The following HDAC9 variants were observed in gnomAD, a reference collection of about 807,000 sequenced individuals.
HDAC9 encodes MEF-2 interacting transcription repressor (MITR) protein.
A neutral mutation model predicts 139.4 loss-of-function variants in HDAC9; 41 were observed. That is an observed-to-expected ratio of 0.29 (90% confidence interval 0.23 to 0.38). HDAC9 has a LOEUF of 0.38. Among genes scored for constraint, HDAC9 ranks in the 10% least tolerant of loss-of-function variants. The probability of loss-of-function intolerance (pLI) is 1.00; values close to 1 mark genes in which losing one functional copy is unlikely to be tolerated. For missense variants in HDAC9, 1,147 were observed against 1,297.0 expected, an observed-to-expected ratio of 0.88 and a Z score of 1.78; for synonymous variants, 517 against 476.2, an observed-to-expected ratio of 1.09 and a Z score of -1.12.
intron 1 of HDAC9, among the ~76,000 whole-genome samples, chr7:18,323,550 G>A (rs661144): frequency 0.2 from 30,197 of 152,080 alleles, 3,167 homozygotes; most frequent in East Asian, 0.27. Context: ...ACATGCTGAT[G>A]TCTAGGCTTT....
chr7:18,611,145 G>A (rs1837010106), intron 6 of HDAC9, among the ~76,000 whole-genome samples: 1 of 152,126 alleles, frequency 6.6e-6, no homozygotes, highest in Admixed American at 6.6e-5. Context: ...AATAAAGAAT[G>A]TAATAGCAAG....
chr7:18,408,498 C>G (rs1788230652), intron 1 of HDAC9, among the ~76,000 whole-genome samples: 1 of 152,098 alleles, frequency 6.6e-6, no homozygotes, highest in South Asian at 2.1e-4. Flanking sequence ...AAATAAAACA[C>G]TAGAAAAGGA....
intron 1 of HDAC9, among the ~76,000 whole-genome samples, chr7:18,128,106 C>T (rs577269454): frequency 2.1e-3 from 314 of 152,130 alleles, no homozygotes; most frequent in Non-Finnish European, 3.9e-3. Flanking sequence ...TAGTAGCAGA[C>T]CAGACGCTTC....
chr7:18,924,995 A>C (rs1193822759), intron 22 of HDAC9, among the ~76,000 whole-genome samples: 1 of 151,482 alleles, frequency 6.6e-6, no homozygotes, highest in African/African-American at 2.5e-5. Flanking sequence ...GTTAGTTTGA[A>C]AAGGAATTAG....
At chr7:18,325,000 G>T (rs908603290) in intron 1 of HDAC9, among the ~76,000 whole-genome samples, 6 of 152,018 alleles carry the variant, frequency 3.9e-5, no homozygotes, top group Non-Finnish European at 8.8e-5. Flanking sequence ...TCCTTCAATT[G>T]CTGTAAACCA....
intron 2 of HDAC9, among the ~76,000 whole-genome samples, chr7:18,254,691 A>G (rs913032796): frequency 6.6e-6 from 1 of 152,234 alleles, no homozygotes; most frequent in African/African-American, 2.4e-5. Flanking sequence ...TCTTTAACAA[A>G]TAAAATAAGT....
At chr7:18,732,616 T>C (rs549396258) in intron 13 of HDAC9, among the ~76,000 whole-genome samples, 7 of 141,322 alleles carry the variant, frequency 5.0e-5, no homozygotes, top group African/African-American at 1.4e-4. Flanking sequence ...CATATGTGTA[T>C]ATACACACAC....
At chr7:18,354,688 T>C (rs1409001467) in intron 1 of HDAC9, among the ~76,000 whole-genome samples, 1 of 152,198 alleles carries the variant, frequency 6.6e-6, no homozygotes, top group Non-Finnish European at 1.5e-5. Flanking sequence ...ATTTGTTTTA[T>C]TTTAGTTATC....
intron 2 of HDAC9, among the ~76,000 whole-genome samples, chr7:18,266,077 T>C (rs1045700780): frequency 1.3e-5 from 2 of 152,154 alleles, no homozygotes; most frequent in African/African-American, 2.4e-5. Context: ...ATGCTTGATA[T>C]TGCATCACTC....
chr7:18,674,994 T>G (rs1284699731), intron 12 of HDAC9, among the ~76,000 whole-genome samples: 1 of 152,010 alleles, frequency 6.6e-6, no homozygotes, highest in Non-Finnish European at 1.5e-5. Context: ...ATATAATATC[T>G]AGATTAATTT....
At chr7:18,949,105 G>A in intron 23 of HDAC9, 1 of 317,376 alleles carries the variant, frequency 3.2e-6, no homozygotes, top group Non-Finnish European at 6.0e-6. Context: ...GTTTTTTGAA[G>A]GATTCTTGAC....
At chr7:18,846,017 G>A (rs1051502896) in intron 21 of HDAC9, among the ~76,000 whole-genome samples, 2 of 152,158 alleles carry the variant, frequency 1.3e-5, no homozygotes, top group Non-Finnish European at 1.5e-5. Flanking sequence ...TGTGTACCAA[G>A]CCTACGAAGG....
Position 18,880,849 on chromosome 7 carries a change from G to A in HDAC9, c.2803+6253G>A, listed in dbSNP as rs79959531. Among the ~76,000 whole-genome samples, 10 of 150,528 alleles carry A rather than the reference G, an allele frequency of 6.6e-5. 1 individual carries two copies. Among genetic ancestry groups the A allele is most frequent in the East Asian group, 2.0e-4 (1 of 5,036 alleles). On this transcript the variant is annotated intron_variant, in intron 22 of 25. Coordinates refer to ENST00000686413, the MANE Select transcript of HDAC9 (RefSeq NM_178425.4). ...AAGAATAGTTAATAGTTGCCGGGGG[G>A]GGGGGAACCAAATAACAAAGCTTAG...
chr7:18,862,010 G>T (rs554106567), intron 21 of HDAC9, among the ~76,000 whole-genome samples: 10 of 152,186 alleles, frequency 6.6e-5, no homozygotes, highest in Admixed American at 6.5e-4. Context: ...GAAATGATAT[G>T]GACTCACAAT....
At chr7:18,122,940 TG>T (rs1784444897) in intron 1 of HDAC9, among the ~76,000 whole-genome samples, 1 of 152,202 alleles carries the variant, frequency 6.6e-6, no homozygotes, top group African/African-American at 2.4e-5. Context: ...CAAAGATTTC[TG>T]CTAGGGTTTT....
At chr7:18,360,791 A>T (rs1035819908) in intron 1 of HDAC9, among the ~76,000 whole-genome samples, 2 of 152,082 alleles carry the variant, frequency 1.3e-5, no homozygotes, top group African/African-American at 4.8e-5. Context: ...AAGAGTTGAC[A>T]TTTTTTTATA....
At chr7:18,461,248 A>G (rs1433811532) in intron 1 of HDAC9, among the ~76,000 whole-genome samples, 1 of 152,186 alleles carries the variant, frequency 6.6e-6, no homozygotes, top group East Asian at 1.9e-4. Flanking sequence ...CCTTTTTGAC[A>G]TAGATTGATC....
intron 17 of HDAC9, among the ~76,000 whole-genome samples, chr7:18,797,598 C>T (rs1424457909): frequency 6.6e-6 from 1 of 151,994 alleles, no homozygotes; most frequent in African/African-American, 2.4e-5. Flanking sequence ...GAGGCTGAGG[C>T]GGGTGGATGA....
At chr7:18,141,034 C>G (rs144444615) in intron 1 of HDAC9, among the ~76,000 whole-genome samples, 51 of 152,002 alleles carry the variant, frequency 3.4e-4, no homozygotes, top group African/African-American at 1.0e-3. Context: ...AAACAAGCAT[C>G]TTCAGCTTTT....
Sources: gnomAD v4.1 joint callset for allele counts (sites outside exome capture counted in the v4.1 genomes callset) on GRCh38, gnomAD v4.1.1 for gene constraint, MANE v1.5 for transcripts, NCBI Gene and HGNC (gene_info 2026-07-23, HGNC 2026-07-21) for gene names.